LCT: variants seen among roughly 807,000 people sequenced by gnomAD.
The protein encoded by LCT is lactase.
Under a neutral mutation model 173.0 loss-of-function variants are expected in LCT, and 90 were observed. The observed-to-expected ratio is 0.52, with a 90% CI of 0.44 to 0.62. The LOEUF is 0.62. Among genes scored for constraint, LCT ranks in the 20% least tolerant of loss-of-function variants. LCT has a pLI of 0.00. For missense variants in LCT, 1,864 were observed against 2,431.4 expected, an observed-to-expected ratio of 0.77 and a Z score of 4.91; for synonymous variants, 853 against 957.6, an observed-to-expected ratio of 0.89 and a Z score of 2.02.
Position 135,788,225 on chromosome 2 carries a change from T to A in LCT, c.*99A>T. The A allele has an allele frequency of 1.2e-6, 1 of 854,538 alleles. No homozygotes were observed. Among genetic ancestry groups the A allele is most frequent in the Non-Finnish European group, 2.0e-6 (1 of 502,950 alleles). 52.9% of individuals were successfully genotyped at this position (854,538 alleles called of 1,614,324 possible). Reference sequence around the variant, plus strand: ...GGTGCAGCAGGACTTTATGGAGAAGTCCAGTATCAGCAGAGTCTAAGACCC... The same window carrying A: ...GGTGCAGCAGGACTTTATGGAGAAGACCAGTATCAGCAGAGTCTAAGACCC... On this transcript the variant is annotated 3_prime_UTR_variant, in exon 17 of 17. Coordinates refer to ENST00000264162, the MANE Select transcript of LCT (RefSeq NM_002299.4).
rs1280922159 is a variant in LCT, at chr2:135,809,909, T to C, written c.2438A>G (p.Gln813Arg). The C allele has an allele frequency of 5.6e-6, 9 of 1,614,054 alleles. No homozygotes were observed. Among genetic ancestry groups the C allele is most frequent in the Non-Finnish European group, 7.6e-6 (9 of 1,180,022 alleles). The part of the protein sequence containing the change: ...DGFEGPSGYS[Q>R]RFGLHHVNFS... ...GTTGACGTGGTGCAGGCCAAACCGC[T>C]GGCTGTAACCAGAAGGGCCTTCGAA... The change falls in exon 8 of 17, where the codon CAG (glutamine) becomes CGG (arginine). Residue 813 changes from glutamine to arginine, a missense_variant. By Grantham distance (43) the Gln-to-Arg change is conservative (BLOSUM62 1). Coordinates refer to ENST00000264162, the MANE Select transcript of LCT (RefSeq NM_002299.4). This position sits in a 1 kb window ranked among gnomAD's most constrained non-coding sequence, Gnocchi z 5.5.
Position 135,790,539 on chromosome 2 carries a change from C to G in LCT, c.5335+119G>C. Reference sequence around the variant, plus strand: ...AAGCAAAGCTTAACCCCCACAGGAGCAAGAAGGCTTATCGTTCTCTTCTTA... The same window carrying G: ...AAGCAAAGCTTAACCCCCACAGGAGGAAGAAGGCTTATCGTTCTCTTCTTA... On this transcript the variant is annotated intron_variant, in intron 15 of 16. Transcript: ENST00000264162. This position sits in a 1 kb window ranked among gnomAD's most constrained non-coding sequence, Gnocchi z 4.1. 1 of 692,858 alleles carries G rather than the reference C, an allele frequency of 1.4e-6. No individual in the cohort carries two copies. The highest frequency in any genetic ancestry group is 2.7e-5 in the East Asian group (1 of 37,248). The allele number at this position is 692,858 out of a possible 1,614,324, so 42.9% of individuals were successfully genotyped here. A position where few individuals can be genotyped will look rare whatever the true frequency, so the allele number is the denominator to read the frequency against.
chr2:135,808,235 G>T (rs1284805411), intron 8 of LCT, among the ~76,000 whole-genome samples: 2 of 152,092 alleles, frequency 1.3e-5, no homozygotes, highest in Admixed American at 6.5e-5. Flanking sequence ...TGTAGTGTTT[G>T]TATTTTTCCT....
At chr2:135,831,483 G>C (rs375705855) in intron 2 of LCT, among the ~76,000 whole-genome samples, 2 of 152,184 alleles carry the variant, frequency 1.3e-5, no homozygotes, top group East Asian at 3.8e-4. Flanking sequence ...GGTCAGAACT[G>C]TGCTTTTGGG....
At position 135,812,647 on chromosome 2, in the gene LCT, G is replaced by A; in HGVS notation, c.2017C>T (p.Leu673Phe). 2 of 1,611,988 alleles carry A rather than the reference G, an allele frequency of 1.2e-6. No homozygotes were observed. Among genetic ancestry groups the A allele is most frequent in the South Asian group, 2.2e-5 (2 of 91,070 alleles). The change falls in exon 7 of 17, where the codon CTC (leucine) becomes TTC (phenylalanine). Residue 673 changes from leucine (L) to phenylalanine (F), a missense_variant. Leu to Phe is a conservative substitution (Grantham distance 22). This residue lies in a region of LCT where 755 missense variants were observed against 926.3 expected (regional missense o/e 0.82). Transcript: ENST00000264162. The part of the protein sequence containing the change: ...LPEFTEAEKQ[L>F]LKGSADFLGL... ...AGAAAATCAGCAGAGCCTTTCAGGA[G>A]CTGCTTCTCTGCCTCTGTGAACTCG... is the stretch of plus-strand genomic sequence containing the variant.
At chr2:135,791,632 A>G (rs1247695391) in intron 14 of LCT, among the ~76,000 whole-genome samples, 1 of 152,248 alleles carries the variant, frequency 6.6e-6, no homozygotes, top group Non-Finnish European at 1.5e-5. Flanking sequence ...GGGCCATTTC[A>G]TAAGCACTAG....
rs2077528355 is a variant in LCT at position 135,790,817 on chromosome 2, G to C, written c.5176C>G (p.Pro1726Ala). 2 of 1,614,000 alleles carry C rather than the reference G, an allele frequency of 1.2e-6. No homozygotes were observed. Among genetic ancestry groups the C allele is most frequent in the Admixed American group, 1.7e-5 (1 of 59,994 alleles). ...DSGSFWLKMT[P>A]FGFRRILNWL... The stretch of plus-strand genomic sequence containing the variant: ...TTCAGGATCCTCCTGAAGCCAAAAG[G>C]CGTCATCTTCAGCCAGAAGGAGCCA... Residue 1726 changes from proline (P) to alanine (A), a missense_variant, in exon 15 of 17, where the codon CCT (proline) becomes GCT (alanine). Transcript: ENST00000264162. The surrounding 1 kb of genome is among the most constrained non-coding windows in gnomAD (Gnocchi z 4.1).
At position 135,833,127 on chromosome 2, in the gene LCT, A is replaced by G; in HGVS notation, c.704T>C (p.Ile235Thr). The change falls in exon 2 of 17, where the codon ATA becomes ACA. Residue 235 changes from isoleucine (I) to threonine (T), a missense_variant. Ile to Thr is a moderately conservative substitution (Grantham distance 89). Transcript: ENST00000264162. ...DIPELLLEPP[I>T]SALAQDTVDF... ...TGCTGTCACCTGGGCAAGCGCAGAT[A>G]TGGGTGGTTCTAGCAGGAGCTCCGG... is the stretch of plus-strand genomic sequence containing the variant. 8 of 1,613,898 alleles carry G rather than the reference A, an allele frequency of 5.0e-6. No individual in the cohort carries two copies. The highest frequency in any genetic ancestry group is 6.8e-6 in the Non-Finnish European group (8 of 1,179,834).
At chr2:135,804,642 AAAC>A (rs950630392) in intron 10 of LCT, 122 bp downstream of exon 10, 9 of 989,110 alleles carry the variant, frequency 9.1e-6, no homozygotes, top group Non-Finnish European at 1.2e-5. Context: ...TACGTCTCAA[AAAC>A]AACAATAACA....
At chr2:135,794,245 C>T (rs1369346631) in intron 14 of LCT, 1 of 165,614 alleles carries the variant, frequency 6.0e-6, no homozygotes, top group African/African-American at 2.4e-5. Flanking sequence ...AAATTTTACT[C>T]TTGTATTATT....
In LCT at chr2:135,809,529, C is replaced by A; in HGVS notation, c.2818G>T (p.Gly940Trp). Residue 940 changes from glycine to tryptophan, a missense_variant, in exon 8 of 17, where the codon GGG (glycine) becomes TGG (tryptophan). Transcript: ENST00000264162. The surrounding 1 kb of genome is among the most constrained non-coding windows in gnomAD (Gnocchi z 5.5). Reference sequence around the variant, plus strand: ...GTGGCATTGTCTTTCACATTGCTCCCTGGTGTGTGGGTAAAGTTATCCCAG... The same window carrying A: ...GTGGCATTGTCTTTCACATTGCTCCATGGTGTGTGGGTAAAGTTATCCCAG... ...SIWDNFTHTP[G>W]SNVKDNATGD... 1 of 1,614,248 alleles carries A rather than the reference C, an allele frequency of 6.2e-7. No homozygotes were observed.
At position 135,790,818 on chromosome 2, in the gene LCT, C is replaced by G. The variant is rs569770794; in HGVS notation, c.5175G>C (p.Thr1725=). ...PDSGSFWLKM[T]PFGFRRILNW... The stretch of plus-strand genomic sequence containing the variant: ...TCAGGATCCTCCTGAAGCCAAAAGG[C>G]GTCATCTTCAGCCAGAAGGAGCCAG... The change falls in exon 15 of 17, where the codon ACG becomes ACC. Residue 1725 remains threonine (T), a synonymous_variant. Coordinates refer to ENST00000264162, the MANE Select transcript of LCT (RefSeq NM_002299.4). The surrounding 1 kb of genome is among the most constrained non-coding windows in gnomAD (Gnocchi z 4.1). 17 of 1,614,142 alleles carry G rather than the reference C, an allele frequency of 1.1e-5. No individual in the cohort carries two copies. In the African/African-American group the frequency reaches 2.1e-4, roughly 20 times the overall value.
chr2:135,829,701 C>A, intron 2 of LCT, 25 bp from the exon 3 acceptor site: 1 of 1,489,472 alleles, frequency 6.7e-7, no homozygotes, highest in South Asian at 1.1e-5. Context: ...TAAATAGGGT[C>A]ATTAGAACCT....
chr2:135,822,046 CAG>C lies in LCT; in HGVS notation c.958_959del (p.Leu320GlufsTer23). The C allele has an allele frequency of 6.2e-7, 1 of 1,608,500 alleles. No individual in the cohort carries two copies. The highest frequency in any genetic ancestry group is 8.5e-7 in the Non-Finnish European group (1 of 1,174,850). On this transcript the variant is annotated frameshift_variant, in exon 5 of 17. Transcript: ENST00000264162. LOFTEE classifies it high-confidence loss of function. ...LTIGFDINEF[L>X]SCSSSSKKSM... ...TTTTCTTGGAACTTGATGAACAACT[CAG>C]AAACTCATTAATATCAAACCCAATG...
At chr2:135,803,843 C>T in intron 11 of LCT, 87 bp downstream of exon 11, 1 of 1,271,628 alleles carries the variant, frequency 7.9e-7, no homozygotes, top group Admixed American at 2.0e-5. Flanking sequence ...TTCTTGGTTG[C>T]CTCGTCCTGT....
intron 12 of LCT, among the ~76,000 whole-genome samples, chr2:135,799,356 T>C (rs2077607133): frequency 6.6e-6 from 1 of 152,162 alleles, no homozygotes; most frequent in Admixed American, 6.5e-5. Flanking sequence ...GAGCACCTTC[T>C]ATCCCTTTCT....
rs746281788 is a variant in LCT, at chr2:135,836,698, C to T, written c.472G>A (p.Ala158Thr). The change falls in exon 1 of 17, where the codon GCC becomes ACC. Residue 158 changes from alanine to threonine, a missense_variant. By Grantham distance (58) the Ala-to-Thr change is moderately conservative. Transcript: ENST00000264162. Reference sequence around the variant, plus strand: ...ACTAGGTCCCCGAAGGAGTGGAAGGCGAATGTGGCATAGTCGGCGAAGAGG... The same window carrying T: ...ACTAGGTCCCCGAAGGAGTGGAAGGTGAATGTGGCATAGTCGGCGAAGAGG... ...ADLFADYATF[A>T]FHSFGDLVGI... 16 of 1,613,966 alleles carry T rather than the reference C, an allele frequency of 9.9e-6. No individual in the cohort carries two copies. In the Admixed American group the frequency reaches 1.2e-4, roughly 12 times the overall value.
chr2:135,809,585 G>A lies in LCT; in HGVS notation c.2762C>T (p.Ala921Val), dbSNP rs1351816503. Residue 921 changes from alanine to valine, a missense_variant, in exon 8 of 17, where the codon GCG becomes GTG. Transcript: ENST00000264162. The surrounding 1 kb of genome is among the most constrained non-coding windows in gnomAD (Gnocchi z 5.5). The stretch of plus-strand genomic sequence containing the variant: ...GGGGCCTTTGCCATCGGCATCCCAC[G>A]CGCCTTCAATCTGATAAGCGGAAGA... ...VSSSAYQIEG[A>V]WDADGKGPSI... is the part of the protein sequence containing the mutation. The A allele has an allele frequency of 5.6e-6, 9 of 1,614,190 alleles. No homozygotes were observed. Among genetic ancestry groups the A allele is most frequent in the African/African-American group, 1.3e-5 (1 of 75,044 alleles).
rs1383174352 is a variant in LCT at position 135,789,682 on chromosome 2, G to A, written c.5452C>T (p.Pro1818Ser). 1 of 1,614,002 alleles carries A rather than the reference G, an allele frequency of 6.2e-7. No individual in the cohort carries two copies. The highest frequency in any genetic ancestry group is 8.5e-7 in the Non-Finnish European group (1 of 1,179,996). The change falls in exon 16 of 17, where the codon CCT (proline) becomes TCT (serine). Residue 1818 changes from proline to serine, a missense_variant. By Grantham distance (74) the Pro-to-Ser change is moderately conservative. Around this residue, in one of 4 missense-constraint regions of LCT, gnomAD observed 514 missense variants for 750.1 expected, o/e 0.69. Coordinates refer to ENST00000264162, the MANE Select transcript of LCT (RefSeq NM_002299.4). ...FGLHFVNYSDPSLPRIPKASA... is the reference protein window; with the variant it reads ...FGLHFVNYSDSSLPRIPKASA... ...GCTTTGGGGATCCTTGGCAGAGAAG[G>A]GTCACTGTAGTTCACAAAATGCAGA...
Sources: gnomAD v4.1 joint callset for allele counts (sites outside exome capture counted in the v4.1 genomes callset) on GRCh38, gnomAD v4.1.1 for gene constraint, gnomAD v4.1.1 regional missense constraint, Gnocchi (gnomAD v3.1) non-coding constraint, MANE v1.5 for transcripts, NCBI Gene and HGNC (gene_info 2026-07-23, HGNC 2026-07-21) for gene names.